Variants in CBX6 observed in about 807,000 individuals in gnomAD.
The protein encoded by CBX6 is chromobox 6.
CBX6 carries 7 observed loss-of-function variants against 28.4 expected under a neutral mutation model. That is an observed-to-expected ratio of 0.25 (90% CI 0.14 to 0.46). CBX6 has a LOEUF of 0.46. CBX6 is among the 20% of genes least tolerant of loss of function. The pLI, the probability that CBX6 is intolerant of heterozygous loss-of-function variation, is 0.99. For missense variants in CBX6, 512 were observed against 606.1 expected (o/e 0.84, Z 1.63); for synonymous variants, 297 against 273.4 (o/e 1.09, Z -0.85).
At position 38,866,448 on chromosome 22, in the gene CBX6, C is replaced by G. The variant is rs1345470596; in HGVS notation, c.1000G>C (p.Ala334Pro). The change falls in exon 5 of 5, where the codon GCT becomes CCT. Residue 334 changes from alanine (A) to proline (P), a missense_variant. By Grantham distance (27) the Ala-to-Pro change is conservative. Around this residue, in one of 7 missense-constraint regions of CBX6, gnomAD observed 290 missense variants for 274.1 expected, o/e 1.06. Coordinates refer to ENST00000407418, the MANE Select transcript of CBX6 (RefSeq NM_014292.5). The surrounding 1 kb of genome is among the most constrained non-coding windows in gnomAD (Gnocchi z 7.5). ...GTGGGAGGTGCCGGGCCGGCAGCAG[C>G]TGTGACCTCAGGCGGTGCCCGCTTG... The part of the protein sequence containing the change: ...TSKRAPPEVT[A>P]AAGPAPPTAP... 1 of 1,608,248 alleles carries G rather than the reference C, an allele frequency of 6.2e-7. No homozygotes were observed. Among genetic ancestry groups the G allele is most frequent in the African/African-American group, 1.3e-5 (1 of 74,888 alleles).
In CBX6 at chr22:38,862,268, C is replaced by T. The variant is rs939390654; in HGVS notation, c.*3941G>A. On this transcript the variant is annotated 3_prime_UTR_variant, in exon 5 of 5. Coordinates refer to ENST00000407418, the MANE Select transcript of CBX6 (RefSeq NM_014292.5). ...ACTAACCATCTCCCTATTTCTGCAT[C>T]CTGGTGACCGTCAGCAAGAGATGAG... 1.3e-5 allele frequency: 2 copies of T among 152,228 alleles called. No homozygotes were observed. The highest frequency in any genetic ancestry group is 2.9e-5 in the Non-Finnish European group (2 of 68,044). The allele number at this position is 152,228 out of a possible 1,614,324, so 9.4% of individuals were successfully genotyped here. A position where few individuals can be genotyped will look rare whatever the true frequency, so the allele number is the denominator to read the frequency against.
At position 38,862,061 on chromosome 22, in the gene CBX6, G is replaced by A. The variant is rs2093158398; in HGVS notation, c.*4148C>T. The A allele has an allele frequency of 1.3e-5, 2 of 152,220 alleles. No homozygotes were observed. Among genetic ancestry groups the A allele is most frequent in the African/African-American group, 2.4e-5 (1 of 41,446 alleles). The allele number at this position is 152,220 out of a possible 1,614,324, so 9.4% of individuals were successfully genotyped here. A position where few individuals can be genotyped will look rare whatever the true frequency, so the allele number is the denominator to read the frequency against. Reference sequence around the variant, plus strand: ...GCAGCAAGGGCAGCCGGAACGCTTCGCTCCAGCTACCCGGCCTCCCGCAAG... The same window carrying A: ...GCAGCAAGGGCAGCCGGAACGCTTCACTCCAGCTACCCGGCCTCCCGCAAG... On this transcript the variant is annotated 3_prime_UTR_variant, in exon 5 of 5. Transcript: ENST00000407418.
Position 38,871,504 on chromosome 22 carries a change from G to A in CBX6, c.222C>T (p.Pro74=), listed in dbSNP as rs2093182250. ...CCTTCAGGAGGAAAGTTTTGGGTTT[G>A]GGTCCCCTCTTCTTGGGCCCATACA... is the stretch of plus-strand genomic sequence containing the variant. ...RELYGPKKRG[P]KPKTFLLKAR... is the part of the protein sequence containing the mutation. Residue 74 remains proline (P), a synonymous_variant, in exon 4 of 5, where the codon CCC becomes CCT. Coordinates refer to ENST00000407418, the MANE Select transcript of CBX6 (RefSeq NM_014292.5). The surrounding 1 kb of genome is among the most constrained non-coding windows in gnomAD (Gnocchi z 5.6). 2 of 1,612,644 alleles carry A rather than the reference G, an allele frequency of 1.2e-6. No homozygotes were observed. Among genetic ancestry groups the A allele is most frequent in the Non-Finnish European group, 8.5e-7 (1 of 1,179,484 alleles).
Position 38,866,219 on chromosome 22 carries a change from G to A in CBX6, c.1229C>T (p.Ala410Val), listed in dbSNP as rs771014274. 19 of 1,604,622 alleles carry A rather than the reference G, an allele frequency of 1.2e-5. No individual in the cohort carries two copies. In the East Asian group the frequency reaches 1.6e-4, roughly 13 times the overall value. ...GAAGGGGSIG[A>V]SK ...CTTGGTGGAGCCCCCTCACTTGCTC[G>A]CCCCAATGCTGCCACCGCCCCCAGC... The change falls in exon 5 of 5, where the codon GCG (alanine) becomes GTG (valine). Residue 410 changes from alanine (A) to valine (V), a missense_variant. Ala to Val is a moderately conservative substitution (Grantham distance 64). Coordinates refer to ENST00000407418, the MANE Select transcript of CBX6 (RefSeq NM_014292.5). This position sits in a 1 kb window ranked among gnomAD's most constrained non-coding sequence, Gnocchi z 7.5.
chr22:38,867,228 G>GGGGGGTGGGGGGGGGGGGGGGGCC, intron 4 of CBX6, 27 bp from the exon 5 acceptor site: 2 of 518,864 alleles, frequency 3.9e-6, no homozygotes, highest in Non-Finnish European at 7.2e-6. Context: ...GGGTGGGTGG[G>GGGGGGTGGGGGGGGGGGGGGGGCC]ACCTCAGGAC....
Position 38,872,107 on chromosome 22 carries a change from C to T in CBX6, c.69+15G>A. 7.3e-7 allele frequency: 1 copy of T among 1,373,138 alleles called. No individual in the cohort carries two copies. Among genetic ancestry groups the T allele is most frequent in the Non-Finnish European group, 9.5e-7 (1 of 1,050,684 alleles). The allele number at this position is 1,373,138 out of a possible 1,614,324, so 85.1% of individuals were successfully genotyped here. On this transcript the variant is annotated intron_variant, in intron 1 of 4. Coordinates refer to ENST00000407418, the MANE Select transcript of CBX6 (RefSeq NM_014292.5). The surrounding 1 kb of genome is among the most constrained non-coding windows in gnomAD (Gnocchi z 5.0). Reference sequence around the variant, plus strand: ...GGCTGCGGACAGCGGCGGCCCGCCCCGGGCGGCGGCTCACCTTTCGGATCC... The same window carrying T: ...GGCTGCGGACAGCGGCGGCCCGCCCTGGGCGGCGGCTCACCTTTCGGATCC...
chr22:38,867,228 G>GGTGGGGGGGGGGGGGGGGGCC, intron 4 of CBX6, 27 bp from the exon 5 acceptor site: 1 of 518,866 alleles, frequency 1.9e-6, no homozygotes, highest in Non-Finnish European at 3.6e-6. Context: ...GGGTGGGTGG[G>GGTGGGGGGGGGGGGGGGGGCC]ACCTCAGGAC....
Position 38,865,882 on chromosome 22 carries a change from G to C in CBX6, c.*327C>G, listed in dbSNP as rs571169531. 13 of 330,576 alleles carry C rather than the reference G, an allele frequency of 3.9e-5. No homozygotes were observed. In the East Asian group the frequency reaches 5.9e-4, roughly 15 times the overall value. 20.5% of individuals were successfully genotyped at this position (330,576 alleles called of 1,614,324 possible). ...GGTTAGCACCGAGAAATCAGACGCC[G>C]CACAGGAGAGCAGGAAGCAAGCTAG... is the stretch of plus-strand genomic sequence containing the variant. On this transcript the variant is annotated 3_prime_UTR_variant, in exon 5 of 5. Coordinates refer to ENST00000407418, the MANE Select transcript of CBX6 (RefSeq NM_014292.5).
At position 38,867,213 on chromosome 22, in the gene CBX6, G is replaced by GCTT; in HGVS notation, c.247-13_247-12insAAG. 1 of 1,526,418 alleles carries GCTT rather than the reference G, an allele frequency of 6.6e-7. No individual in the cohort carries two copies. The highest frequency in any genetic ancestry group is 8.8e-7 in the Non-Finnish European group (1 of 1,140,664). The allele number at this position is 1,526,418 out of a possible 1,614,324, so 94.6% of individuals were successfully genotyped here. ...GCCTGGGCCCGCGCCTGCGGGCAGA[G>GCTT]GGAGGGGTGGGTGGGACCTCAGGAC... On this transcript the variant is annotated splice_polypyrimidine_tract_variant and intron_variant, in intron 4 of 4. Transcript: ENST00000407418.
rs1247400789 is a variant in CBX6, at chr22:38,871,347, T to C, written c.246+133A>G. 3 of 805,864 alleles carry C rather than the reference T, an allele frequency of 3.7e-6. No homozygotes were observed. Among genetic ancestry groups the C allele is most frequent in the Non-Finnish European group, 2.0e-6 (1 of 500,336 alleles). 49.9% of individuals were successfully genotyped at this position (805,864 alleles called of 1,614,324 possible). ...TCTGGGGGGGCTCACAACCACCCCC[T>C]GCCCAGCTGGGGCCCCTCTGAAAAG... is the stretch of plus-strand genomic sequence containing the variant. On this transcript the variant is annotated intron_variant, in intron 4 of 4. Transcript: ENST00000407418. The surrounding 1 kb of genome is among the most constrained non-coding windows in gnomAD (Gnocchi z 5.6).
chr22:38,864,795 C>T lies in CBX6; in HGVS notation c.*1414G>A, dbSNP rs1033488045. On this transcript the variant is annotated 3_prime_UTR_variant, in exon 5 of 5. Coordinates refer to ENST00000407418, the MANE Select transcript of CBX6 (RefSeq NM_014292.5). ...ACGCCACCCACGCACAATGGAGACC[C>T]GGGAAGTGGCCCAGGGCTGGCCAGC... The T allele has an allele frequency of 2.6e-5, 4 of 152,422 alleles. No individual in the cohort carries two copies. Among genetic ancestry groups the T allele is most frequent in the South Asian group, 2.1e-4 (1 of 4,838 alleles). The allele number at this position is 152,422 out of a possible 1,614,324, so 9.4% of individuals were successfully genotyped here. A position where few individuals can be genotyped will look rare whatever the true frequency, so the allele number is the denominator to read the frequency against.
At position 38,866,533 on chromosome 22, in the gene CBX6, G is replaced by T. The variant is rs1316516276; in HGVS notation, c.915C>A (p.Pro305=). ...LLPETVSPSA[P]SWREPEVLDL... ...CGAGCACCTCCGGCTCGCGCCAGCT[G>T]GGGGCGGATGGGCTCACGGTCTCGG... Residue 305 remains proline (P), a synonymous_variant, in exon 5 of 5, where the codon CCC becomes CCA. Coordinates refer to ENST00000407418, the MANE Select transcript of CBX6 (RefSeq NM_014292.5). This position sits in a 1 kb window ranked among gnomAD's most constrained non-coding sequence, Gnocchi z 7.5. The T allele has an allele frequency of 3.8e-6, 6 of 1,579,906 alleles. No homozygotes were observed. Among genetic ancestry groups the T allele is most frequent in the Non-Finnish European group, 3.4e-6 (4 of 1,170,118 alleles).
In CBX6 at chr22:38,866,908, C is replaced by A; in HGVS notation, c.540G>T (p.Val180=). The stretch of plus-strand genomic sequence containing the variant: ...CCCCGCCGCCAGCGCCCTTGTCGAT[C>A]ACCTTCAGGTTCAGGATGATGCGGT... The part of the protein sequence containing the change: ...KRNRIILNLK[V]IDKGAGGGGA... Residue 180 remains valine (V), a synonymous_variant, in exon 5 of 5, where the codon GTG becomes GTT. Transcript: ENST00000407418. This position sits in a 1 kb window ranked among gnomAD's most constrained non-coding sequence, Gnocchi z 7.5. The A allele has an allele frequency of 1.3e-6, 2 of 1,599,522 alleles. No homozygotes were observed. Among genetic ancestry groups the A allele is most frequent in the South Asian group, 2.2e-5 (2 of 89,616 alleles).
rs367996100 is a variant in CBX6, at chr22:38,866,793, C to T, written c.655G>A (p.Val219Ile). The T allele has an allele frequency of 3.7e-6, 6 of 1,612,558 alleles. No homozygotes were observed. In the African/African-American group the frequency reaches 6.7e-5, roughly 18 times the overall value. The change falls in exon 5 of 5, where the codon GTC becomes ATC. Residue 219 changes from valine to isoleucine, a missense_variant. Physicochemically the swap from Val to Ile is conservative, Grantham distance 29. Around this residue, in one of 7 missense-constraint regions of CBX6, gnomAD observed 290 missense variants for 274.1 expected, o/e 1.06. Transcript: ENST00000407418. This position sits in a 1 kb window ranked among gnomAD's most constrained non-coding sequence, Gnocchi z 7.5. ...ATGTGGCGGATCTGTGTACGCAGGA[C>T]GCTCTCGCTGAACTTCTTGCTCTTG... Reference protein sequence around the residue: ...IGKSKKFSESVLRTQIRHMKF... With the variant: ...IGKSKKFSESILRTQIRHMKF...
rs1178143499 is a variant in CBX6 at position 38,864,268 on chromosome 22, A to G, written c.*1941T>C. 1 of 149,990 alleles carries G rather than the reference A, an allele frequency of 6.7e-6. No individual in the cohort carries two copies. The highest frequency in any genetic ancestry group is 1.5e-5 in the Non-Finnish European group (1 of 67,656). The allele number at this position is 149,990 out of a possible 1,614,324, so 9.3% of individuals were successfully genotyped here. On this transcript the variant is annotated 3_prime_UTR_variant, in exon 5 of 5. Coordinates refer to ENST00000407418, the MANE Select transcript of CBX6 (RefSeq NM_014292.5). ...TTGTTTTTGTTTTTTTGCAAAACTA[A>G]TTCTTTCACTTTCCTGTCATAAAAT...
chr22:38,871,511 C>T lies in CBX6; in HGVS notation c.215G>A (p.Arg72Lys). ...RERELYGPKK[R>K]GPKPKTFLLK... ...GAGGAAAGTTTTGGGTTTGGGTCCC[C>T]TCTTCTTGGGCCCATACAGCTCACG... Residue 72 changes from arginine to lysine, a missense_variant, in exon 4 of 5, where the codon AGG becomes AAG. By Grantham distance (26) the Arg-to-Lys change is conservative (BLOSUM62 2). Transcript: ENST00000407418. This position sits in a 1 kb window ranked among gnomAD's most constrained non-coding sequence, Gnocchi z 5.6. The T allele has an allele frequency of 6.2e-7, 1 of 1,613,118 alleles. No homozygotes were observed. The highest frequency in any genetic ancestry group is 8.5e-7 in the Non-Finnish European group (1 of 1,179,634).
Position 38,866,968 on chromosome 22 carries a change from G to A in CBX6, c.480C>T (p.Ile160=), listed in dbSNP as rs1190851420. 1.9e-6 allele frequency: 3 copies of A among 1,609,354 alleles called. No homozygotes were observed. Among genetic ancestry groups the A allele is most frequent in the Admixed American group, 1.7e-5 (1 of 59,712 alleles). The change falls in exon 5 of 5, where the codon ATC becomes ATT. Residue 160 remains isoleucine (I), a synonymous_variant. Transcript: ENST00000407418. This position sits in a 1 kb window ranked among gnomAD's most constrained non-coding sequence, Gnocchi z 7.5. The part of the protein sequence containing the change: ...ISPFSETVRI[I]NRKVKPREPK... ...GCTCCCGCGGCTTCACCTTGCGGTT[G>A]ATGATGCGCACCGTCTCCGAGAAGG...
rs1053248766 is a variant in CBX6 at position 38,863,707 on chromosome 22, C to G, written c.*2502G>C. 1 of 152,338 alleles carries G rather than the reference C, an allele frequency of 6.6e-6. No individual in the cohort carries two copies. The highest frequency in any genetic ancestry group is 1.5e-5 in the Non-Finnish European group (1 of 68,144). The allele number at this position is 152,338 out of a possible 1,614,324, so 9.4% of individuals were successfully genotyped here. Reference sequence around the variant, plus strand: ...GGCAAGGGAAATGCATTCCCTCTCCCCAGCCACCCCCAGGGGCCCAGCTTC... The same window carrying G: ...GGCAAGGGAAATGCATTCCCTCTCCGCAGCCACCCCCAGGGGCCCAGCTTC... On this transcript the variant is annotated 3_prime_UTR_variant, in exon 5 of 5. Transcript: ENST00000407418.
Position 38,871,890 on chromosome 22 carries a change from C to T in CBX6, c.113+12G>A. 1 of 1,541,786 alleles carries T rather than the reference C, an allele frequency of 6.5e-7. No individual in the cohort carries two copies. ...CCCCTCCCGCGACGCCCCCGGACCC[C>T]GCGACACTCACTTGATCGCCCACCC... On this transcript the variant is annotated intron_variant, in intron 2 of 4. Transcript: ENST00000407418. This position sits in a 1 kb window ranked among gnomAD's most constrained non-coding sequence, Gnocchi z 5.6.
Sources: gnomAD v4.1 joint callset for allele counts on GRCh38, gnomAD v4.1.1 for gene constraint, gnomAD v4.1.1 regional missense constraint, Gnocchi (gnomAD v3.1) non-coding constraint, MANE v1.5 for transcripts, NCBI Gene and HGNC (gene_info 2026-07-23, HGNC 2026-07-21) for gene names.